CNNM1: variants seen among roughly 807,000 people sequenced by gnomAD.
CNNM1 encodes cyclin and CBS domain divalent metal cation transport mediator 1, also known as metal transporter CNNM1.
In CNNM1, 44 loss-of-function variants were observed where a neutral mutation model predicts 78.8. That is an observed-to-expected ratio of 0.56 (90% confidence interval 0.44 to 0.72). The LOEUF (loss-of-function observed/expected upper bound fraction) is 0.72. Ranked by LOEUF, CNNM1 falls within the 30% of genes least tolerant of loss-of-function variation. The pLI is 0.00. For missense variants in CNNM1, 1,101 were observed against 1,292.2 expected (o/e 0.85, Z 2.27); for synonymous variants, 584 against 581.5 (o/e 1.00, Z -0.06).
chr10:99,348,003 ATT>A (rs574934981), intron 1 of CNNM1, among the ~76,000 whole-genome samples: 4,293 of 146,490 alleles, frequency 0.029, 201 homozygotes, highest in African/African-American at 0.1. Context: ...TGCTATATAT[ATT>A]TTTTTATATA....
At chr10:99,368,558 C>T in intron 6 of CNNM1, 2 of 1,115,786 alleles carry the variant, frequency 1.8e-6, no homozygotes, top group Non-Finnish European at 2.4e-6. Context: ...TTGTCTCTTT[C>T]CTTTTGTGTT....
At position 99,391,681 on chromosome 10, in the gene CNNM1, G is replaced by A. The variant is rs2032476402; in HGVS notation, c.*165G>A. ...CTGTCAGTTTGGCAGATTTTCCCTC[G>A]TTACCTCCAGTTCGACTCAGAACCT... On this transcript the variant is annotated 3_prime_UTR_variant, in exon 11 of 11. Transcript: ENST00000356713. 5 of 600,236 alleles carry A rather than the reference G, an allele frequency of 8.3e-6. No homozygotes were observed. The highest frequency in any genetic ancestry group is 4.3e-4 in the Middle Eastern group (1 of 2,316). 37.2% of individuals were successfully genotyped at this position (600,236 alleles called of 1,614,324 possible).
At chr10:99,352,615 C>A (rs2030988866) in intron 1 of CNNM1, among the ~76,000 whole-genome samples, 1 of 152,164 alleles carries the variant, frequency 6.6e-6, no homozygotes, top group Non-Finnish European at 1.5e-5. Flanking sequence ...TTCATGATGA[C>A]AATGTTAAGC....
chr10:99,353,230 G>A (rs942200185), intron 1 of CNNM1, among the ~76,000 whole-genome samples: 1 of 151,690 alleles, frequency 6.6e-6, no homozygotes, highest in Non-Finnish European at 1.5e-5. Context: ...GATATGCCAG[G>A]TGCTATTCTA....
At chr10:99,389,503 A>G (rs2032411448) in intron 9 of CNNM1, among the ~76,000 whole-genome samples, 1 of 152,106 alleles carries the variant, frequency 6.6e-6, no homozygotes, top group South Asian at 2.1e-4. Context: ...GGACATACAT[A>G]GTCACTGTTC....
At chr10:99,360,388 A>T (rs2031388646) in intron 2 of CNNM1, among the ~76,000 whole-genome samples, 1 of 152,226 alleles carries the variant, frequency 6.6e-6, no homozygotes, top group Non-Finnish European at 1.5e-5. Context: ...CTAAGAATGC[A>T]GGTCCCTTGT....
rs145401515 is a variant in CNNM1 at position 99,368,449 on chromosome 10, A to G, written c.2176+3447A>G. The G allele has an allele frequency of 3.9e-5, 14 of 356,170 alleles. No homozygotes were observed. The East Asian group carries it at 1.1e-3, about 27-fold the overall frequency. The allele number at this position is 356,170 out of a possible 1,614,324, so 22.1% of individuals were successfully genotyped here. On this transcript the variant is annotated intron_variant, in intron 6 of 10. Coordinates refer to ENST00000356713, the MANE Select transcript of CNNM1 (RefSeq NM_020348.3). ...TCTTTCTGGAGTGTGACTTTGTAAG[A>G]GGATGTGATTCCTGTGTTTTCAGAG...
rs972129008 is a variant in CNNM1, at chr10:99,392,668, C to A, written c.*1152C>A. 1.3e-5 allele frequency: 2 copies of A among 152,182 alleles called. No homozygotes were observed. The highest frequency in any genetic ancestry group is 2.9e-5 in the Non-Finnish European group (2 of 68,060). The allele number at this position is 152,182 out of a possible 1,614,324, so 9.4% of individuals were successfully genotyped here. On this transcript the variant is annotated 3_prime_UTR_variant, in exon 11 of 11. Coordinates refer to ENST00000356713, the MANE Select transcript of CNNM1 (RefSeq NM_020348.3). ...CCAGATGGCAGAGTGACCGCGCATA[C>A]CTGCTTCCAAGAATAAAACAGTTCT...
intron 1 of CNNM1, among the ~76,000 whole-genome samples, chr10:99,342,933 G>T (rs966022824): frequency 6.6e-6 from 1 of 152,006 alleles, no homozygotes; most frequent in African/African-American, 2.4e-5. Context: ...ATGGAAACTT[G>T]GTGATCACCT....
At position 99,359,217 on chromosome 10, in the gene CNNM1, C is replaced by G. The variant is rs578216941; in HGVS notation, c.1717+1562C>G. Among the ~76,000 whole-genome samples, 279 of 150,662 alleles carry G rather than the reference C, an allele frequency of 1.9e-3. 2 individuals are homozygous for G. Among genetic ancestry groups the G allele is most frequent in the African/African-American group, 6.7e-3 (274 of 40,896 alleles). On this transcript the variant is annotated intron_variant, in intron 2 of 10. Coordinates refer to ENST00000356713, the MANE Select transcript of CNNM1 (RefSeq NM_020348.3). Reference sequence around the variant, plus strand: ...TGAGAGGAATGATTTCCTAATAATGCCATGTTAAGTGGCAATCTGATGGGG... The same window carrying G: ...TGAGAGGAATGATTTCCTAATAATGGCATGTTAAGTGGCAATCTGATGGGG...
Position 99,330,707 on chromosome 10 carries a change from C to T in CNNM1, c.1320C>T (p.Phe440=), listed in dbSNP as rs1012345058. ...EEVLTPLGDC[F]MLRSDAVLDF... Reference sequence around the variant, plus strand: ...TGCTGACCCCCCTGGGAGACTGCTTCATGCTGCGCTCAGACGCGGTGCTCG... The same window carrying T: ...TGCTGACCCCCCTGGGAGACTGCTTTATGCTGCGCTCAGACGCGGTGCTCG... The change falls in exon 1 of 11, where the codon TTC becomes TTT. Residue 440 remains phenylalanine, a synonymous_variant. Coordinates refer to ENST00000356713, the MANE Select transcript of CNNM1 (RefSeq NM_020348.3). 8.1e-6 allele frequency: 13 copies of T among 1,613,916 alleles called. No homozygotes were observed. The African/African-American group carries it at 9.3e-5, about 12-fold the overall frequency.
At chr10:99,361,084 C>A in intron 3 of CNNM1, 109 bp downstream of exon 3, 1 of 1,190,888 alleles carries the variant, frequency 8.4e-7, no homozygotes, top group Non-Finnish European at 1.1e-6. Context: ...GCTGTCAGGA[C>A]TGAGAAGCAC....
chr10:99,340,876 T>TCCTG (rs562170205), intron 1 of CNNM1, among the ~76,000 whole-genome samples: 84 of 138,252 alleles, frequency 6.1e-4, no homozygotes, highest in East Asian at 3.6e-3. Context: ...CTTCCTTCCT[T>TCCTG]CCTGCCTGCC....
At chr10:99,349,938 G>T (rs2030871743) in intron 1 of CNNM1, among the ~76,000 whole-genome samples, 1 of 152,172 alleles carries the variant, frequency 6.6e-6, no homozygotes, top group Non-Finnish European at 1.5e-5. Flanking sequence ...GGCAGAGGTT[G>T]CAGTGAGCCA....
At position 99,330,116 on chromosome 10, in the gene CNNM1, C is replaced by T. The variant is rs1456154589; in HGVS notation, c.729C>T (p.Arg243=). ...TGTCGGCCCTGTTCAGCGGCCTGCG[C>T]CTGAGCCTGCTGTCGCTGGACCCGG... The part of the protein sequence containing the change: ...LALSALFSGL[R]LSLLSLDPVE... The change falls in exon 1 of 11, where the codon CGC becomes CGT. Residue 243 remains arginine (R), a synonymous_variant. Transcript: ENST00000356713. 3.2e-6 allele frequency: 5 copies of T among 1,549,912 alleles called. No homozygotes were observed. Among genetic ancestry groups the T allele is most frequent in the East Asian group, 2.4e-5 (1 of 41,826 alleles).
Position 99,329,673 on chromosome 10 carries a change from G to T in CNNM1, c.286G>T (p.Glu96Ter). ...PVPSPTLNSG[E>*]NGTGDWAPRL... ...GCCCTCACCGACCCTCAACTCGGGGGAGAATGGCACCGGCGACTGGGCTCC... is the reference window on the plus strand; with the variant it reads ...GCCCTCACCGACCCTCAACTCGGGGTAGAATGGCACCGGCGACTGGGCTCC... The change falls in exon 1 of 11, where the codon GAG becomes TAG. Residue 96 changes from glutamate (E) to a stop codon, truncating the protein, a stop_gained. Coordinates refer to ENST00000356713, the MANE Select transcript of CNNM1 (RefSeq NM_020348.3). LOFTEE classifies it high-confidence loss of function. The T allele has an allele frequency of 5.1e-6, 8 of 1,558,526 alleles. No homozygotes were observed. The highest frequency in any genetic ancestry group is 6.0e-6 in the Non-Finnish European group (7 of 1,162,698).
intron 1 of CNNM1, among the ~76,000 whole-genome samples, chr10:99,354,340 G>A (rs930609230): frequency 3.0e-4 from 45 of 152,150 alleles, no homozygotes; most frequent in Admixed American, 2.9e-3. Context: ...ACTGATGCAA[G>A]GTTTAAATTT....
rs944698522 is a variant in CNNM1, at chr10:99,340,018, A to G, written c.1573+9058A>G. Among the ~76,000 whole-genome samples, 31 of 152,356 alleles carry G rather than the reference A, an allele frequency of 2.0e-4. 1 individual carries two copies. In the South Asian group the frequency reaches 6.4e-3, roughly 32 times the overall value. ...AAAATGTGTTAAATGTTGCTAAATA[A>G]TAATTAGTAAAATTTGTAATGAGAT... On this transcript the variant is annotated intron_variant, in intron 1 of 10. Coordinates refer to ENST00000356713, the MANE Select transcript of CNNM1 (RefSeq NM_020348.3).
chr10:99,335,186 T>C (rs776087678), intron 1 of CNNM1, among the ~76,000 whole-genome samples: 2 of 152,240 alleles, frequency 1.3e-5, no homozygotes, highest in African/African-American at 4.8e-5. Context: ...AACATGCATA[T>C]TGCACTTGAT....
Sources: allele counts gnomAD v4.1 joint callset (sites outside exome capture counted in the v4.1 genomes callset), GRCh38; gene constraint gnomAD v4.1.1; transcripts MANE v1.5; gene names NCBI Gene and HGNC (gene_info 2026-07-23, HGNC 2026-07-21).